The following BEND3 variants were observed in gnomAD, a reference collection of about 807,000 sequenced individuals.
The protein encoded by BEND3 is BEN domain containing 3.
A neutral mutation model predicts 60.1 loss-of-function variants in BEND3; 13 were observed. That is an observed-to-expected ratio of 0.22 (90% CI 0.14 to 0.34). The LOEUF is 0.34. Ranked by LOEUF, BEND3 falls within the 10% of genes least tolerant of loss-of-function variation. BEND3 has a pLI of 1.00. For missense variants in BEND3, 896 were observed against 1,138.1 expected (o/e 0.79, Z 3.06); for synonymous variants, 497 against 491.5 (o/e 1.01, Z -0.15).
At position 107,087,159 on chromosome 6, in the gene BEND3, C is replaced by G. The variant is rs782197604; in HGVS notation, c.240+11392G>C. 3.6e-4 allele frequency among the ~76,000 whole-genome samples: 55 copies of G among 151,608 alleles called. 1 individual carries two copies. The highest frequency in any genetic ancestry group is 6.5e-4 in the Non-Finnish European group (44 of 67,922). ...CCAGCCTGGTCAACATGGCGAAACC[C>G]CATCTCTACTAAAAATACAAAAATC... On this transcript the variant is annotated intron_variant, in intron 3 of 3. Transcript: ENST00000369042.
intron 3 of BEND3, among the ~76,000 whole-genome samples, chr6:107,091,805 C>T (rs782188837): frequency 9.9e-5 from 15 of 152,038 alleles, no homozygotes; most frequent in Non-Finnish European, 1.8e-4. Flanking sequence ...TCTATGAGGC[C>T]AGCATTACCT....
chr6:107,073,055 G>A (rs1053838534), intron 3 of BEND3, among the ~76,000 whole-genome samples: 1 of 151,358 alleles, frequency 6.6e-6, no homozygotes, highest in Admixed American at 6.6e-5. Flanking sequence ...ACTCATATTA[G>A]AGAAATGTTA....
chr6:107,073,087 G>A (rs1554232272), intron 3 of BEND3, among the ~76,000 whole-genome samples: 2 of 150,826 alleles, frequency 1.3e-5, no homozygotes, highest in Non-Finnish European at 3.0e-5. Context: ...GTGCCCCCAT[G>A]AGGACAACCA....
chr6:107,111,424 T>C (rs1554238393), intron 1 of BEND3, among the ~76,000 whole-genome samples: 1 of 151,700 alleles, frequency 6.6e-6, no homozygotes, highest in African/African-American at 2.4e-5. Context: ...GGCAGGAGAA[T>C]CACTTGAACC....
At chr6:107,108,614 C>CA (rs1491555953) in intron 1 of BEND3, among the ~76,000 whole-genome samples, 1 of 144,756 alleles carries the variant, frequency 6.9e-6, no homozygotes, top group Non-Finnish European at 1.5e-5. Flanking sequence ...AAGCAAGCCT[C>CA]AGTCCTTCGC....
At chr6:107,094,945 C>T (rs977401733) in intron 3 of BEND3, among the ~76,000 whole-genome samples, 5 of 151,600 alleles carry the variant, frequency 3.3e-5, no homozygotes, top group Non-Finnish European at 5.9e-5. Context: ...CGCAGCCTCC[C>T]GAGTAGCTGG....
intron 3 of BEND3, among the ~76,000 whole-genome samples, chr6:107,078,541 GC>G (rs1775147433): frequency 4.6e-5 from 1 of 21,892 alleles, no homozygotes; most frequent in African/African-American, 1.9e-4. Context: ...TGCAAGCTCT[GC>G]CTCCTGGGTT....
rs781965101 is a variant in BEND3 at position 107,068,814 on chromosome 6, T to A, written c.2377A>T (p.Met793Leu). The change falls in exon 4 of 4, where the codon ATG becomes TTG. Residue 793 changes from methionine to leucine, a missense_variant. By Grantham distance (15) the Met-to-Leu change is conservative (BLOSUM62 2). This residue lies in a region of BEND3 where 29 missense variants were observed against 51.9 expected (regional missense o/e 0.56). Coordinates refer to ENST00000369042, the MANE Select transcript of BEND3 (RefSeq NM_001367314.1). This position sits in a 1 kb window ranked among gnomAD's most constrained non-coding sequence, Gnocchi z 5.8. ...YVEAVYPVEK[M>L]EEVWHYECIP... ...CATTCGTAGTGCCACACCTCCTCCA[T>A]CTTCTCCACCGGGTAGACGGCTTCC... The A allele has an allele frequency of 6.2e-7, 1 of 1,614,124 alleles. No homozygotes were observed.
chr6:107,077,393 G>A (rs547208700), intron 3 of BEND3, among the ~76,000 whole-genome samples: 12 of 152,154 alleles, frequency 7.9e-5, no homozygotes, highest in South Asian at 4.1e-4. Context: ...GACCTGAGCC[G>A]GTTCACCCCT....
At chr6:107,084,539 T>C (rs1217501789) in intron 3 of BEND3, among the ~76,000 whole-genome samples, 1 of 151,238 alleles carries the variant, frequency 6.6e-6, no homozygotes, top group African/African-American at 2.4e-5. Flanking sequence ...GCCAAAGGAT[T>C]GTAAACACAC....
intron 3 of BEND3, among the ~76,000 whole-genome samples, chr6:107,078,606 C>A (rs1775152971): frequency 6.8e-6 from 1 of 147,252 alleles, no homozygotes; most frequent in Non-Finnish European, 1.5e-5. Context: ...AGGCGTGAGC[C>A]TCCGTGCCCG....
At chr6:107,107,577 C>T (rs1554237712) in intron 1 of BEND3, among the ~76,000 whole-genome samples, 1 of 152,152 alleles carries the variant, frequency 6.6e-6, no homozygotes, top group Non-Finnish European at 1.5e-5. Flanking sequence ...ATTCTCCTGC[C>T]TCAGCCTCCC....
chr6:107,083,999 G>A (rs1453187300), intron 3 of BEND3, among the ~76,000 whole-genome samples: 2 of 152,250 alleles, frequency 1.3e-5, no homozygotes, highest in Non-Finnish European at 2.9e-5. Flanking sequence ...ATCTGGGCCA[G>A]CATGGAAGGA....
Position 107,067,259 on chromosome 6 carries a change from C to G in BEND3, c.*1445G>C, listed in dbSNP as rs1053989667. 1.1e-4 allele frequency: 16 copies of G among 152,158 alleles called. No homozygotes were observed. Among genetic ancestry groups the G allele is most frequent in the African/African-American group, 3.9e-4 (16 of 41,432 alleles). The allele number at this position is 152,158 out of a possible 1,614,324, so 9.4% of individuals were successfully genotyped here. On this transcript the variant is annotated 3_prime_UTR_variant, in exon 4 of 4. Coordinates refer to ENST00000369042, the MANE Select transcript of BEND3 (RefSeq NM_001367314.1). Reference sequence around the variant, plus strand: ...CATCCCACAGGGGTTCTATGACTACCCTGTGTGATTCAATAAATTTTCCAG... The same window carrying G: ...CATCCCACAGGGGTTCTATGACTACGCTGTGTGATTCAATAAATTTTCCAG...
chr6:107,073,086 T>A (rs192243376), intron 3 of BEND3, among the ~76,000 whole-genome samples: 14 of 151,018 alleles, frequency 9.3e-5, no homozygotes, highest in African/African-American at 3.2e-4. Context: ...TGTGCCCCCA[T>A]GAGGACAACC....
In BEND3 at chr6:107,068,965, C is replaced by T. The variant is rs201042331; in HGVS notation, c.2226G>A (p.Arg742=). The T allele has an allele frequency of 4.6e-5, 74 of 1,613,808 alleles. 1 individual carries two copies. In the East Asian group the frequency reaches 1.6e-3, roughly 34 times the overall value. Residue 742 remains arginine (R), a synonymous_variant, in exon 4 of 4, where the codon CGG becomes CGA. Coordinates refer to ENST00000369042, the MANE Select transcript of BEND3 (RefSeq NM_001367314.1). This position sits in a 1 kb window ranked among gnomAD's most constrained non-coding sequence, Gnocchi z 5.8. ...GTTCGGGAAACAGGCGGACGAGGAG[C>T]CGGGCGGCAAAGTTGCCCACGGAGA... ...QSLSVGNFAA[R]LLVRLFPELF...
chr6:107,109,053 G>A (rs571299732), intron 1 of BEND3, among the ~76,000 whole-genome samples: 7 of 151,288 alleles, frequency 4.6e-5, no homozygotes, highest in African/African-American at 1.2e-4. Context: ...AGATCCACCC[G>A]CCTCAGCCTC....
intron 3 of BEND3, among the ~76,000 whole-genome samples, chr6:107,087,969 T>TAAAA (rs71012767): frequency 5.8e-5 from 7 of 121,648 alleles, no homozygotes; most frequent in African/African-American, 1.6e-4. Flanking sequence ...AGGCTAGTGA[T>TAAAA]AAAAAAAAAA....
In BEND3 at chr6:107,095,056, C is replaced by G. The variant is rs549991120; in HGVS notation, c.240+3495G>C. Among the ~76,000 whole-genome samples, 120 of 152,152 alleles carry G rather than the reference C, an allele frequency of 7.9e-4. 2 individuals carry two copies. The East Asian group carries it at 0.02, about 26-fold the overall frequency. ...CAGGCTGATCTGGAACTCCTGGACT[C>G]AAGCAATCCACCTGCCTCAGCCTCC... On this transcript the variant is annotated intron_variant, in intron 3 of 3. Transcript: ENST00000369042.
Sources: gnomAD v4.1 joint callset for allele counts (sites outside exome capture counted in the v4.1 genomes callset) on GRCh38, gnomAD v4.1.1 for gene constraint, gnomAD v4.1.1 regional missense constraint, Gnocchi (gnomAD v3.1) non-coding constraint, MANE v1.5 for transcripts, NCBI Gene and HGNC (gene_info 2026-07-23, HGNC 2026-07-21) for gene names.